CDH8: variants seen among roughly 807,000 people sequenced by gnomAD.
CDH8 encodes the protein cadherin-8.
A neutral mutation model predicts 68.1 loss-of-function variants in CDH8; 17 were observed. The observed-to-expected ratio is 0.25, with a 90% CI of 0.17 to 0.37. The LOEUF (loss-of-function observed/expected upper bound fraction) is 0.37. Ranked by LOEUF, CDH8 falls within the 10% of genes least tolerant of loss-of-function variation. CDH8 has a pLI of 1.00. For missense variants in CDH8, 763 were observed against 999.3 expected (o/e 0.76, Z 3.19); for synonymous variants, 372 against 365.1 (o/e 1.02, Z -0.21).
chr16:61,726,732 T>C (rs1328197839), intron 9 of CDH8: 2 of 331,212 alleles, frequency 6.0e-6, no homozygotes, highest in Non-Finnish European at 1.1e-5. Context: ...GTGAAACAAA[T>C]GTCTCCTCTC....
chr16:62,022,301 A>G (rs1289076199), intron 1 of CDH8, among the ~76,000 whole-genome samples: 1 of 152,128 alleles, frequency 6.6e-6, no homozygotes, highest in African/African-American at 2.4e-5. Flanking sequence ...GCTCCCAGAG[A>G]AAAATTCTGT....
intron 4 of CDH8, among the ~76,000 whole-genome samples, chr16:61,849,954 A>AT (rs1238234312): frequency 1.3e-5 from 2 of 152,258 alleles, no homozygotes; most frequent in South Asian, 2.1e-4. Context: ...TGGGACATAT[A>AT]TTTTTTCAAT....
At chr16:61,713,105 A>T (rs1200460618) in intron 10 of CDH8, among the ~76,000 whole-genome samples, 1 of 151,684 alleles carries the variant, frequency 6.6e-6, no homozygotes, top group African/African-American at 2.4e-5. Context: ...CATTTGAACA[A>T]AAATCAAGTT....
At position 61,652,107 on chromosome 16, in the gene CDH8, A is replaced by G; in HGVS notation, c.*1501T>C. The G allele has an allele frequency of 1.1e-6, 1 of 950,612 alleles. No homozygotes were observed. The highest frequency in any genetic ancestry group is 1.3e-6 in the Non-Finnish European group (1 of 798,260). 58.9% of individuals were successfully genotyped at this position (950,612 alleles called of 1,614,324 possible). ...AATAAACAATATTGCATTAAAGCAA[A>G]GTAGAAAATTAAAATGATCTGCATG... On this transcript the variant is annotated 3_prime_UTR_variant, in exon 12 of 12. Transcript: ENST00000577390.
At chr16:62,020,582 C>A (rs983738162) in intron 2 of CDH8, among the ~76,000 whole-genome samples, 7 of 152,064 alleles carry the variant, frequency 4.6e-5, no homozygotes, top group Non-Finnish European at 1.0e-4. Flanking sequence ...AATGAATGAA[C>A]TAGTTTCCTA....
At chr16:62,018,836 A>C (rs553570024) in intron 2 of CDH8, among the ~76,000 whole-genome samples, 5 of 152,330 alleles carry the variant, frequency 3.3e-5, no homozygotes, top group African/African-American at 1.2e-4. Context: ...TGTCATTCAG[A>C]GAAGCATGAA....
At chr16:61,861,736 A>T (rs1963153581) in intron 3 of CDH8, among the ~76,000 whole-genome samples, 1 of 152,206 alleles carries the variant, frequency 6.6e-6, no homozygotes, top group African/African-American at 2.4e-5. Flanking sequence ...GTTCTTGGCC[A>T]AGTAACAAAA....
intron 2 of CDH8, among the ~76,000 whole-genome samples, chr16:61,906,511 T>C (rs1964064874): frequency 6.6e-6 from 1 of 152,204 alleles, no homozygotes; most frequent in Admixed American, 6.5e-5. Flanking sequence ...TGGAGCTGAA[T>C]TGTGTGTATC....
chr16:61,724,712 A>T (rs1394740386), intron 9 of CDH8, among the ~76,000 whole-genome samples: 4 of 150,730 alleles, frequency 2.7e-5, no homozygotes, highest in Admixed American at 6.6e-5. Flanking sequence ...CGGTTTTTTG[A>T]CATTTATTTT....
intron 1 of CDH8, among the ~76,000 whole-genome samples, chr16:62,025,474 T>C (rs2150617245): frequency 6.6e-6 from 1 of 152,056 alleles, no homozygotes; most frequent in African/African-American, 2.4e-5. Flanking sequence ...ACTTCCCAAT[T>C]TTCAGGGGTT....
intron 8 of CDH8, among the ~76,000 whole-genome samples, chr16:61,745,442 G>A (rs770324695): frequency 6.6e-6 from 1 of 151,786 alleles, no homozygotes; most frequent in Admixed American, 6.6e-5. Flanking sequence ...TTCAAATATT[G>A]CATCTTCTCT....
At chr16:61,907,736 C>G (rs1567523104) in intron 2 of CDH8, among the ~76,000 whole-genome samples, 1 of 151,258 alleles carries the variant, frequency 6.6e-6, no homozygotes, top group East Asian at 2.0e-4. Flanking sequence ...AAAACCTACA[C>G]CTTTTAGAAC....
intron 3 of CDH8, among the ~76,000 whole-genome samples, chr16:61,859,582 C>T (rs1963113997): frequency 6.6e-6 from 1 of 152,228 alleles, no homozygotes; most frequent in African/African-American, 2.4e-5. Context: ...ATTAGGAGAC[C>T]AGACTTGTTA....
At chr16:61,829,428 A>G (rs1962410054) in intron 4 of CDH8, among the ~76,000 whole-genome samples, 1 of 151,740 alleles carries the variant, frequency 6.6e-6, no homozygotes, top group Non-Finnish European at 1.5e-5. Context: ...ACACGTTACA[A>G]AACTGGGACT....
chr16:61,998,258 G>A (rs1002298401), intron 2 of CDH8, among the ~76,000 whole-genome samples: 7 of 152,106 alleles, frequency 4.6e-5, no homozygotes, highest in Non-Finnish European at 8.8e-5. Context: ...TTAATATATT[G>A]TTATTGTTGG....
At chr16:61,856,734 C>T (rs750770739) in intron 4 of CDH8, among the ~76,000 whole-genome samples, 6 of 152,064 alleles carry the variant, frequency 3.9e-5, no homozygotes, top group African/African-American at 1.2e-4. Flanking sequence ...TTATGTGGTA[C>T]GTTCCATACC....
At chr16:61,970,455 T>C (rs957692150) in intron 2 of CDH8, among the ~76,000 whole-genome samples, 3 of 152,096 alleles carry the variant, frequency 2.0e-5, no homozygotes, top group African/African-American at 7.2e-5. Flanking sequence ...ACAATGTATA[T>C]GTGTATCAAA....
At chr16:61,734,949 C>T (rs1315006072) in intron 8 of CDH8, among the ~76,000 whole-genome samples, 2 of 152,034 alleles carry the variant, frequency 1.3e-5, no homozygotes, top group African/African-American at 2.4e-5. Context: ...CTCAGTGGTG[C>T]CACATGCCCT....
intron 10 of CDH8, among the ~76,000 whole-genome samples, chr16:61,697,316 A>G (rs1468149306): frequency 6.6e-6 from 1 of 152,032 alleles, no homozygotes; most frequent in Non-Finnish European, 1.5e-5. Context: ...TGTACACAGC[A>G]GCTTTGAGAA....
Sources: gnomAD v4.1 joint callset for allele counts (sites outside exome capture counted in the v4.1 genomes callset) on GRCh38, gnomAD v4.1.1 for gene constraint, MANE v1.5 for transcripts, NCBI Gene and HGNC (gene_info 2026-07-23, HGNC 2026-07-21) for gene names.